MSH3: variants seen among roughly 807,000 people sequenced by gnomAD.
The protein encoded by MSH3 is mutS homolog 3.
Under a neutral mutation model 123.3 loss-of-function variants are expected in MSH3, and 106 were observed. That is an observed-to-expected ratio of 0.86 (90% CI 0.73 to 1.01). The LOEUF (loss-of-function observed/expected upper bound fraction) is 1.01, where lower values mean the gene tolerates loss of function less well. MSH3 is among the 50% of genes least tolerant of loss of function. MSH3 has a pLI of 0.00. For missense variants in MSH3, 1,459 were observed against 1,347.6 expected, an observed-to-expected ratio of 1.08 and a Z score of -1.29; for synonymous variants, 515 against 481.4, an observed-to-expected ratio of 1.07 and a Z score of -0.91.
At chr5:80,660,878 A>G (rs1580543767) in intron 2 of MSH3, among the ~76,000 whole-genome samples, 1 of 152,014 alleles carries the variant, frequency 6.6e-6, no homozygotes, top group South Asian at 2.1e-4. Flanking sequence ...GCTGACTGCA[A>G]CCTCTGCCCC....
intron 10 of MSH3, among the ~76,000 whole-genome samples, chr5:80,741,250 G>A (rs1048576635): frequency 2.0e-5 from 3 of 151,566 alleles, no homozygotes; most frequent in Non-Finnish European, 4.4e-5. Context: ...TTTTGTTAGA[G>A]TAACTATCTT....
chr5:80,793,187 G>A (rs1264902079), intron 19 of MSH3, among the ~76,000 whole-genome samples: 1 of 152,190 alleles, frequency 6.6e-6, no homozygotes, highest in Non-Finnish European at 1.5e-5. Flanking sequence ...CCTTTGTACT[G>A]TGACTATTTT....
chr5:80,724,499 TAAAG>T (rs757298343), intron 8 of MSH3, among the ~76,000 whole-genome samples: 10 of 151,934 alleles, frequency 6.6e-5, no homozygotes, highest in East Asian at 1.9e-4. Flanking sequence ...AGTGAGATGA[TAAAG>T]AAAGAAGAGA....
At chr5:80,761,514 A>G (rs775688786) in intron 12 of MSH3, 32 bp from the exon 13 acceptor site, 42 of 1,613,138 alleles carry the variant, frequency 2.6e-5, no homozygotes, top group Non-Finnish European at 3.2e-5. Context: ...TTCCTAACAT[A>G]TCTGATTATT....
intron 19 of MSH3, among the ~76,000 whole-genome samples, chr5:80,808,875 A>ATATATG (rs1744953238): frequency 1.1e-5 from 1 of 92,970 alleles, no homozygotes; most frequent in African/African-American, 3.2e-5. Context: ...ATATATATAT[A>ATATATG]TATATATACA....
chr5:80,701,547 A>G (rs1750610853), intron 8 of MSH3, among the ~76,000 whole-genome samples: 1 of 152,190 alleles, frequency 6.6e-6, no homozygotes, highest in Admixed American at 6.5e-5. Context: ...GTCTGTCCTC[A>G]GGATCTCTTT....
chr5:80,859,958 G>A (rs1412777865), intron 21 of MSH3, among the ~76,000 whole-genome samples: 3 of 151,850 alleles, frequency 2.0e-5, no homozygotes, highest in South Asian at 2.1e-4. Flanking sequence ...TGCAATATAC[G>A]TTTGCAACTA....
chr5:80,681,540 G>C (rs1378990718), intron 8 of MSH3, among the ~76,000 whole-genome samples: 1 of 151,634 alleles, frequency 6.6e-6, no homozygotes, highest in Non-Finnish European at 1.5e-5. Flanking sequence ...ATATAGAAAT[G>C]GAATGGATAA....
chr5:80,834,936 G>C (rs1745483407), intron 20 of MSH3, among the ~76,000 whole-genome samples: 1 of 152,132 alleles, frequency 6.6e-6, no homozygotes, highest in Admixed American at 6.5e-5. Context: ...CCACAGATTA[G>C]CCCTGTCACC....
chr5:80,717,165 A>G (rs1750980134), intron 8 of MSH3, among the ~76,000 whole-genome samples: 1 of 152,208 alleles, frequency 6.6e-6, no homozygotes, highest in South Asian at 2.1e-4. Flanking sequence ...TGCTGCAGTA[A>G]ATGTAAGAAT....
intron 15 of MSH3, among the ~76,000 whole-genome samples, chr5:80,770,488 T>G (rs1744197493): frequency 6.6e-6 from 1 of 152,172 alleles, no homozygotes; most frequent in Non-Finnish European, 1.5e-5. Context: ...ATCAAGTACT[T>G]GTTAAAGTCT....
chr5:80,795,923 A>G lies in MSH3; in HGVS notation c.2655+3079A>G, dbSNP rs1744692253. Among the ~76,000 whole-genome samples the G allele has an allele frequency of 2.0e-5, 3 of 151,636 alleles. No individual in the cohort carries two copies. The South Asian group carries it at 6.2e-4, about 32-fold the overall frequency. ...CTACTCAGGAGGCTGAGGCAGGAGA[A>G]TTGCTTGAACCCAGGAGGCCGCTGC... On this transcript the variant is annotated intron_variant, in intron 19 of 23. Transcript: ENST00000265081.
Position 80,677,510 on chromosome 5 carries a change from C to A in MSH3, c.1174-1417C>A, listed in dbSNP as rs181461574. 2.9e-4 allele frequency among the ~76,000 whole-genome samples: 44 copies of A among 152,258 alleles called. No individual in the cohort carries two copies. The East Asian group carries it at 7.3e-3, about 25-fold the overall frequency. Reference sequence around the variant, plus strand: ...TGGTATATAAATTTACATGTGTATCCTTATGTACTGATAGTCCATCTCTCT... The same window carrying A: ...TGGTATATAAATTTACATGTGTATCATTATGTACTGATAGTCCATCTCTCT... On this transcript the variant is annotated intron_variant, in intron 7 of 23. Coordinates refer to ENST00000265081, the MANE Select transcript of MSH3 (RefSeq NM_002439.5).
chr5:80,870,695 T>A (rs967563446), intron 22 of MSH3, among the ~76,000 whole-genome samples: 1 of 152,212 alleles, frequency 6.6e-6, no homozygotes, highest in African/African-American at 2.4e-5. Context: ...AAAGCTCTTA[T>A]CTGTCTGCTG....
chr5:80,663,551 G>GT (rs536284996), intron 2 of MSH3, among the ~76,000 whole-genome samples: 75 of 142,676 alleles, frequency 5.3e-4, no homozygotes, highest in Middle Eastern at 3.6e-3. Flanking sequence ...ATTCCAGGCA[G>GT]TTTTTTTTTA....
chr5:80,719,379 A>G (rs1412601951), intron 8 of MSH3, among the ~76,000 whole-genome samples: 2 of 152,146 alleles, frequency 1.3e-5, no homozygotes, highest in Non-Finnish European at 2.9e-5. Context: ...ATTCTGTGCA[A>G]CTAGGGAGGC....
intron 20 of MSH3, among the ~76,000 whole-genome samples, chr5:80,843,761 C>T (rs749870417): frequency 2.0e-5 from 3 of 152,054 alleles, no homozygotes; most frequent in Non-Finnish European, 2.9e-5. Context: ...TCCCCTTTAT[C>T]ATTTTTTATT....
chr5:80,729,460 G>GTGTGTGTGTGTGTA (rs1277559108), intron 10 of MSH3, among the ~76,000 whole-genome samples: 3,188 of 94,786 alleles, frequency 0.034, 117 homozygotes, highest in Admixed American at 0.1. Context: ...GTGTGTGTGT[G>GTGTGTGTGTGTGTA]TATATATATA....
chr5:80,810,963 T>C (rs1165740199), intron 19 of MSH3, among the ~76,000 whole-genome samples: 3 of 152,122 alleles, frequency 2.0e-5, no homozygotes, highest in Non-Finnish European at 4.4e-5. Context: ...TTGAGCATCA[T>C]ATTGTTGCTC....
Sources: gnomAD v4.1 joint callset for allele counts (sites outside exome capture counted in the v4.1 genomes callset) on GRCh38, gnomAD v4.1.1 for gene constraint, MANE v1.5 for transcripts, NCBI Gene and HGNC (gene_info 2026-07-23, HGNC 2026-07-21) for gene names.